Variants in ADAP2 observed in about 807,000 individuals in gnomAD.
The protein encoded by ADAP2 is ArfGAP with dual PH domains 2, also known as arf-GAP with dual PH domain-containing protein 2.
In ADAP2, 42 loss-of-function variants were observed where a neutral mutation model predicts 54.9. The observed-to-expected ratio is 0.77, with a 90% CI of 0.60 to 0.99. The LOEUF is 0.99. Among genes scored for constraint, ADAP2 ranks in the 50% least tolerant of loss-of-function variants. The pLI is 0.00. For missense variants in ADAP2, 429 were observed against 480.4 expected, an observed-to-expected ratio of 0.89 and a Z score of 1.00; for synonymous variants, 177 against 180.1, an observed-to-expected ratio of 0.98 and a Z score of 0.14.
At chr17:30,954,330 G>C (rs1414857646) in intron 8 of ADAP2, 148 bp from the exon 9 acceptor site, 1 of 687,054 alleles carries the variant, frequency 1.5e-6, no homozygotes, top group African/African-American at 1.8e-5. Flanking sequence ...AGGCCCCAGG[G>C]AGAAGCACTA....
intron 5 of ADAP2, among the ~76,000 whole-genome samples, chr17:30,942,658 C>A (rs1391815168): frequency 6.6e-6 from 1 of 152,168 alleles, no homozygotes; most frequent in African/African-American, 2.4e-5. Context: ...TTTACAAGAG[C>A]AAACTAGACT....
chr17:30,923,465 A>G (rs1272274014), intron 2 of ADAP2, among the ~76,000 whole-genome samples: 1 of 151,394 alleles, frequency 6.6e-6, no homozygotes, highest in East Asian at 2.0e-4. Context: ...GGGTTTCACC[A>G]TGTTGGTCAC....
chr17:30,949,324 G>A lies in ADAP2; in HGVS notation c.695G>A (p.Arg232His), dbSNP rs370140572. Reference protein sequence around the residue: ...VDWFNALRAARLQYLKMAFPE... With the variant: ...VDWFNALRAAHLQYLKMAFPE... ...TGGTTCAATGCCCTCCGTGCAGCCC[G>A]TCTGCAGTACCTAAAAATGGCCTTT... is the stretch of plus-strand genomic sequence containing the variant. The change falls in exon 7 of 11, where the codon CGT becomes CAT. Residue 232 changes from arginine to histidine, a missense_variant. Coordinates refer to ENST00000330889, the MANE Select transcript of ADAP2 (RefSeq NM_018404.3). 24 of 1,613,940 alleles carry A rather than the reference G, an allele frequency of 1.5e-5. No homozygotes were observed. The highest frequency in any genetic ancestry group is 6.7e-5 in the East Asian group (3 of 44,890).
chr17:30,947,882 C>T (rs896901208), intron 6 of ADAP2, among the ~76,000 whole-genome samples: 4 of 152,188 alleles, frequency 2.6e-5, no homozygotes, highest in Non-Finnish European at 4.4e-5. Flanking sequence ...TAAGCCCAGT[C>T]CAGCCTCTGT....
chr17:30,947,720 G>A (rs988857297), intron 6 of ADAP2, among the ~76,000 whole-genome samples: 6 of 152,152 alleles, frequency 3.9e-5, no homozygotes, highest in East Asian at 1.9e-4. Flanking sequence ...TGTGTGCTTC[G>A]CCTATGAGAG....
intron 5 of ADAP2, among the ~76,000 whole-genome samples, chr17:30,941,558 T>G (rs1165248173): frequency 6.6e-6 from 1 of 152,224 alleles, no homozygotes; most frequent in East Asian, 1.9e-4. Flanking sequence ...TCCTTCTTAG[T>G]GCCTCAAACA....
At chr17:30,927,240 G>C (rs963896460) in intron 3 of ADAP2, among the ~76,000 whole-genome samples, 3 of 152,000 alleles carry the variant, frequency 2.0e-5, no homozygotes, top group Non-Finnish European at 2.9e-5. Context: ...GCTTACAGAT[G>C]GTGGCTAACT....
intron 3 of ADAP2, among the ~76,000 whole-genome samples, chr17:30,927,623 A>T (rs927589274): frequency 6.6e-6 from 1 of 151,718 alleles, no homozygotes; most frequent in African/African-American, 2.4e-5. Flanking sequence ...TCAAAAAAAA[A>T]AAAAAATAAA....
At chr17:30,949,101 G>A (rs950138204) in intron 6 of ADAP2, among the ~76,000 whole-genome samples, 186 bp from the exon 7 acceptor site, 26 of 152,154 alleles carry the variant, frequency 1.7e-4, no homozygotes, top group African/African-American at 5.1e-4. Context: ...CTGCTTGCCC[G>A]GGTTAGCCCA....
Position 30,926,852 on chromosome 17 carries a change from G to A in ADAP2, c.251G>A (p.Arg84His), listed in dbSNP as rs144075981. 1.4e-4 allele frequency: 219 copies of A among 1,614,188 alleles called. No individual in the cohort carries two copies. The highest frequency in any genetic ancestry group is 1.6e-4 in the Non-Finnish European group (193 of 1,180,038). Reference protein sequence around the residue: ...VEFMIHNGNLRVKAKFEARVP... With the variant: ...VEFMIHNGNLHVKAKFEARVP... ...TTTATGATCCACAATGGAAACCTCC[G>A]TGTGAAGGCCAAGTTCGAAGCCAGA... Residue 84 changes from arginine to histidine, a missense_variant, in exon 3 of 11, where the codon CGT becomes CAT. Physicochemically the swap from Arg to His is conservative, Grantham distance 29 (BLOSUM62 0). Coordinates refer to ENST00000330889, the MANE Select transcript of ADAP2 (RefSeq NM_018404.3).
intron 9 of ADAP2, 59 bp downstream of exon 9, chr17:30,954,614 G>T: frequency 3.5e-6 from 5 of 1,416,434 alleles, no homozygotes; most frequent in Non-Finnish European, 5.0e-6. Context: ...GGTGGTGCTT[G>T]TCTGGAACTA....
chr17:30,922,075 G>A lies in ADAP2; in HGVS notation c.61G>A (p.Gly21Ser). ...LLELLRAPDT[G>S]NAHCADCGAA... is the part of the protein sequence containing the mutation. ...GGAGCTGCTGCGGGCGCCGGACACA[G>A]GCAACGCGCACTGCGCCGACTGCGG... The change falls in exon 1 of 11, where the codon GGC becomes AGC. Residue 21 changes from glycine to serine, a missense_variant. Transcript: ENST00000330889. The A allele has an allele frequency of 7.9e-7, 1 of 1,265,968 alleles. No individual in the cohort carries two copies. The highest frequency in any genetic ancestry group is 2.9e-5 in the South Asian group (1 of 34,010). The allele number at this position is 1,265,968 out of a possible 1,614,324, so 78.4% of individuals were successfully genotyped here.
In ADAP2 at chr17:30,956,429, G is replaced by A. The variant is rs1905077084; in HGVS notation, c.1071G>A (p.Arg357=). The A allele has an allele frequency of 6.2e-7, 1 of 1,614,086 alleles. No individual in the cohort carries two copies. Among genetic ancestry groups the A allele is most frequent in the African/African-American group, 1.3e-5 (1 of 74,934 alleles). The change falls in exon 10 of 11, where the codon CGG becomes CGA. Residue 357 remains arginine, a synonymous_variant. Transcript: ENST00000330889. ...AGCAGGAATGGCTGGAAAGTTTGCG[G>A]GGTGTCCTGTCCAGCCCCTTGACGC... The part of the protein sequence containing the change: ...KEQQEWLESL[R]GVLSSPLTPL...
chr17:30,922,135 C>CGA, intron 1 of ADAP2, 27 bp downstream of exon 1: 2 of 1,225,224 alleles, frequency 1.6e-6, no homozygotes, highest in Non-Finnish European at 2.0e-6. Flanking sequence ...GCGGGCAGCG[C>CGA]GAGACCCCCG....
intron 7 of ADAP2, among the ~76,000 whole-genome samples, chr17:30,952,170 G>A (rs1904706962): frequency 1.3e-5 from 2 of 152,076 alleles, no homozygotes; most frequent in South Asian, 4.2e-4. Flanking sequence ...AACATCTCTG[G>A]GCGTAGGCTG....
At chr17:30,926,156 G>A (rs181083984) in intron 2 of ADAP2, among the ~76,000 whole-genome samples, 1 of 152,202 alleles carries the variant, frequency 6.6e-6, no homozygotes, top group Non-Finnish European at 1.5e-5. Context: ...CTGCAGAGGA[G>A]AAGAGGAGCA....
intron 5 of ADAP2, among the ~76,000 whole-genome samples, chr17:30,937,514 G>A (rs1452538083): frequency 1.3e-5 from 2 of 152,208 alleles, no homozygotes; most frequent in East Asian, 3.8e-4. Flanking sequence ...GAGCCACTGC[G>A]CCCAGCCTGA....
chr17:30,950,874 G>T (rs1051752849), intron 7 of ADAP2, among the ~76,000 whole-genome samples: 1 of 152,184 alleles, frequency 6.6e-6, no homozygotes, highest in African/African-American at 2.4e-5. Flanking sequence ...AAGTGCAGAT[G>T]CTCAGCCTTA....
At chr17:30,954,622 C>G (rs1904924227) in intron 9 of ADAP2, 67 bp downstream of exon 9, 4 of 1,367,262 alleles carry the variant, frequency 2.9e-6, no homozygotes, top group Non-Finnish European at 4.2e-6. Context: ...TTGTCTGGAA[C>G]TATGTGAAAG....
Sources: allele counts gnomAD v4.1 joint callset (sites outside exome capture counted in the v4.1 genomes callset), GRCh38; gene constraint gnomAD v4.1.1; transcripts MANE v1.5; gene names NCBI Gene and HGNC (gene_info 2026-07-23, HGNC 2026-07-21).